The following PCDH9 variants were observed in gnomAD, a reference collection of about 807,000 sequenced individuals.
PCDH9 encodes protocadherin 9.
Under a neutral mutation model 70.6 loss-of-function variants are expected in PCDH9, and 24 were observed. That is an observed-to-expected ratio of 0.34 (90% confidence interval 0.25 to 0.48). PCDH9 has a LOEUF of 0.48. Among genes scored for constraint, PCDH9 ranks in the 20% least tolerant of loss-of-function variants. The pLI is 0.99. For synonymous variants in PCDH9, 562 were observed against 558.5 expected, an observed-to-expected ratio of 1.01 and a Z score of -0.09; for missense variants, 1,281 against 1,503.6, an observed-to-expected ratio of 0.85 and a Z score of 2.45.
chr13:66,417,650 C>A (rs1244204597), intron 4 of PCDH9, among the ~76,000 whole-genome samples: 1 of 152,114 alleles, frequency 6.6e-6, no homozygotes, highest in African/African-American at 2.4e-5. Flanking sequence ...CCTATTTCTC[C>A]ACATCCTCTC....
chr13:66,496,751 T>C (rs1246270235), intron 4 of PCDH9, among the ~76,000 whole-genome samples: 13 of 152,182 alleles, frequency 8.5e-5, no homozygotes, highest in Non-Finnish European at 1.8e-4. Flanking sequence ...TATTTAATAG[T>C]GAACATGGCC....
intron 4 of PCDH9, among the ~76,000 whole-genome samples, chr13:66,521,642 A>G (rs1004197688): frequency 3.9e-5 from 6 of 152,158 alleles, no homozygotes; most frequent in Admixed American, 6.6e-5. Flanking sequence ...ATGGTGAGAT[A>G]TATTTTATAC....
At chr13:66,796,874 G>A (rs1257060121) in intron 3 of PCDH9, among the ~76,000 whole-genome samples, 1 of 152,034 alleles carries the variant, frequency 6.6e-6, no homozygotes, top group Non-Finnish European at 1.5e-5. Context: ...GGAAATGCTA[G>A]GCAAGATTAT....
At chr13:66,837,704 A>C (rs1456907628) in intron 3 of PCDH9, among the ~76,000 whole-genome samples, 1 of 152,140 alleles carries the variant, frequency 6.6e-6, no homozygotes, top group African/African-American at 2.4e-5. Context: ...AAAGTGCAAA[A>C]TATTTCAATT....
intron 3 of PCDH9, among the ~76,000 whole-genome samples, chr13:66,901,044 A>C (rs2139592945): frequency 6.6e-6 from 1 of 151,808 alleles, no homozygotes; most frequent in East Asian, 1.9e-4. Context: ...GGTTACTAAA[A>C]CTGCCCATTT....
At chr13:66,470,057 C>T (rs1271427143) in intron 4 of PCDH9, among the ~76,000 whole-genome samples, 1 of 152,118 alleles carries the variant, frequency 6.6e-6, no homozygotes, top group Non-Finnish European at 1.5e-5. Context: ...CTTTCCTTTT[C>T]TTCTCTGTGC....
intron 4 of PCDH9, among the ~76,000 whole-genome samples, chr13:66,484,009 C>T (rs11618598): frequency 0.041 from 6,173 of 152,206 alleles, 177 homozygotes; most frequent in Middle Eastern, 0.071. Context: ...TTGGCCGGGG[C>T]ACTTGGAGGA....
At chr13:67,192,677 A>C (rs567329813) in intron 2 of PCDH9, among the ~76,000 whole-genome samples, 1 of 152,296 alleles carries the variant, frequency 6.6e-6, no homozygotes, top group South Asian at 2.1e-4. Flanking sequence ...ACTGGTGGCT[A>C]AACTCAGAAA....
At chr13:66,662,765 A>G (rs2078030419) in intron 3 of PCDH9, among the ~76,000 whole-genome samples, 1 of 152,196 alleles carries the variant, frequency 6.6e-6, no homozygotes, top group African/African-American at 2.4e-5. Flanking sequence ...TTCAAGGGCA[A>G]ATAAGAGAAG....
chr13:66,781,415 T>A (rs1299747202), intron 3 of PCDH9, among the ~76,000 whole-genome samples: 1 of 152,158 alleles, frequency 6.6e-6, no homozygotes, highest in Admixed American at 6.6e-5. Flanking sequence ...GCTGCACAGA[T>A]GGAAGTTCCT....
chr13:66,961,907 C>G (rs1025784374), intron 2 of PCDH9, among the ~76,000 whole-genome samples: 1 of 151,498 alleles, frequency 6.6e-6, no homozygotes, highest in African/African-American at 2.4e-5. Context: ...AAAAATTAGC[C>G]GGGCATGGTG....
At chr13:67,041,385 T>C (rs534798355) in intron 2 of PCDH9, among the ~76,000 whole-genome samples, 118 of 152,314 alleles carry the variant, frequency 7.7e-4, no homozygotes, top group Non-Finnish European at 1.5e-3. Context: ...AATGAAATTC[T>C]AAAACTTAAG....
At chr13:66,739,463 A>C (rs1407183723) in intron 3 of PCDH9, among the ~76,000 whole-genome samples, 1 of 150,348 alleles carries the variant, frequency 6.7e-6, no homozygotes, top group Non-Finnish European at 1.5e-5. Context: ...CTAACATCAT[A>C]ATGACAGGAT....
intron 4 of PCDH9, among the ~76,000 whole-genome samples, chr13:66,336,723 A>T (rs1039592731): frequency 6.6e-6 from 1 of 152,066 alleles, no homozygotes; most frequent in Non-Finnish European, 1.5e-5. Flanking sequence ...GCATGTTGGT[A>T]ATCTGTGGCT....
intron 3 of PCDH9, among the ~76,000 whole-genome samples, chr13:66,694,245 A>G (rs2139090861): frequency 6.6e-6 from 1 of 152,354 alleles, no homozygotes; most frequent in Non-Finnish European, 1.5e-5. Context: ...TAACAAAAGT[A>G]TAAACACCTT....
chr13:67,075,708 A>T (rs2085865227), intron 2 of PCDH9, among the ~76,000 whole-genome samples: 1 of 152,102 alleles, frequency 6.6e-6, no homozygotes, highest in South Asian at 2.1e-4. Flanking sequence ...CTGCCACAAG[A>T]TCTAGTGTTT....
At chr13:66,436,211 T>C (rs1451866868) in intron 4 of PCDH9, among the ~76,000 whole-genome samples, 2 of 152,112 alleles carry the variant, frequency 1.3e-5, no homozygotes, top group Non-Finnish European at 2.9e-5. Context: ...TGGGAGGTGA[T>C]AAAGTCATAA....
chr13:66,667,367 A>G (rs1442149479), intron 3 of PCDH9, among the ~76,000 whole-genome samples: 1 of 152,236 alleles, frequency 6.6e-6, no homozygotes, highest in African/African-American at 2.4e-5. Flanking sequence ...CATCCATAGT[A>G]ATGGAAATAT....
chr13:66,517,963 A>G (rs529138014), intron 4 of PCDH9, among the ~76,000 whole-genome samples: 1 of 152,208 alleles, frequency 6.6e-6, no homozygotes, highest in South Asian at 2.1e-4. Context: ...GACATGTTCT[A>G]TCCATCCCGT....
Sources: allele counts gnomAD v4.1 joint callset (sites outside exome capture counted in the v4.1 genomes callset), GRCh38; gene constraint gnomAD v4.1.1; transcripts MANE v1.5; gene names NCBI Gene and HGNC (gene_info 2026-07-23, HGNC 2026-07-21).